Variants in AKAP6 observed in about 807,000 individuals in gnomAD.
AKAP6 encodes A-kinase anchoring protein 6, also known as A-kinase anchor protein 6.
In AKAP6, 58 loss-of-function variants were observed where a neutral mutation model predicts 188.5. The observed-to-expected ratio is 0.31, with a 90% CI of 0.25 to 0.38. The LOEUF (loss-of-function observed/expected upper bound fraction) is 0.38. AKAP6 is among the 10% of genes least tolerant of loss of function. AKAP6 has a pLI of 1.00. For missense variants in AKAP6, 2,710 were observed against 2,740.0 expected (o/e 0.99, Z 0.24); for synonymous variants, 989 against 998.6 (o/e 0.99, Z 0.18).
At chr14:32,336,015 T>C (rs890774840) in intron 1 of AKAP6, among the ~76,000 whole-genome samples, 1 of 152,076 alleles carries the variant, frequency 6.6e-6, no homozygotes, top group Non-Finnish European at 1.5e-5. Context: ...GCCATGCTAA[T>C]GTTCAGAAGT....
At position 32,540,640 on chromosome 14, in the gene AKAP6, A is replaced by G. The variant is rs540199487; in HGVS notation, c.577-4590A>G. 1.4e-4 allele frequency among the ~76,000 whole-genome samples: 21 copies of G among 152,240 alleles called. No homozygotes were observed. In the East Asian group the frequency reaches 4.1e-3, roughly 29 times the overall value. The stretch of plus-strand genomic sequence containing the variant: ...GTAAAACCAACAGGCAACACCCCTA[A>G]CTCCATATCTTCCTGAGACTTTATT... On this transcript the variant is annotated intron_variant, in intron 3 of 13. Coordinates refer to ENST00000280979, the MANE Select transcript of AKAP6 (RefSeq NM_004274.5).
At chr14:32,705,011 T>C (rs1387864353) in intron 9 of AKAP6, among the ~76,000 whole-genome samples, 4 of 152,194 alleles carry the variant, frequency 2.6e-5, no homozygotes, top group Non-Finnish European at 4.4e-5. Flanking sequence ...TCAGAATAGA[T>C]GGTAAGGCGC....
chr14:32,331,434 C>T (rs1285870202), intron 1 of AKAP6, among the ~76,000 whole-genome samples: 2 of 151,928 alleles, frequency 1.3e-5, no homozygotes, highest in African/African-American at 2.4e-5. Flanking sequence ...AACATCCTCC[C>T]GGTTCAGACA....
intron 1 of AKAP6, among the ~76,000 whole-genome samples, chr14:32,391,325 C>A (rs918383733): frequency 6.6e-6 from 1 of 152,154 alleles, no homozygotes; most frequent in Non-Finnish European, 1.5e-5. Context: ...ATGTCTTGGT[C>A]TTGAGTCTTC....
intron 7 of AKAP6, among the ~76,000 whole-genome samples, chr14:32,633,872 C>T (rs2139462593): frequency 6.6e-6 from 1 of 152,208 alleles, no homozygotes; most frequent in Non-Finnish European, 1.5e-5. Flanking sequence ...TGTCTCCCAT[C>T]TCTAAGTCTT....
At chr14:32,619,888 TC>T (rs1160281725) in intron 7 of AKAP6, among the ~76,000 whole-genome samples, 3 of 152,198 alleles carry the variant, frequency 2.0e-5, no homozygotes, top group Non-Finnish European at 2.9e-5. Context: ...ATTTTTCACC[TC>T]CTTGGTTAAG....
At chr14:32,476,245 C>T (rs1879060323) in intron 2 of AKAP6, among the ~76,000 whole-genome samples, 1 of 152,072 alleles carries the variant, frequency 6.6e-6, no homozygotes, top group African/African-American at 2.4e-5. Context: ...AAATTCTGAC[C>T]TCATGCTCTT....
chr14:32,757,470 C>T (rs1282529824), intron 11 of AKAP6, among the ~76,000 whole-genome samples: 5 of 152,190 alleles, frequency 3.3e-5, no homozygotes, highest in African/African-American at 1.2e-4. Context: ...GTTGGATCAG[C>T]CCAGGCTCCC....
intron 13 of AKAP6, among the ~76,000 whole-genome samples, 177 bp downstream of exon 13, chr14:32,824,992 A>T (rs550916830): frequency 1.3e-5 from 2 of 152,268 alleles, no homozygotes; most frequent in South Asian, 4.1e-4. Context: ...CAAAAGAAAA[A>T]AAAAACAGGG....
At chr14:32,589,531 C>A (rs1885393671) in intron 5 of AKAP6, among the ~76,000 whole-genome samples, 1 of 152,104 alleles carries the variant, frequency 6.6e-6, no homozygotes, top group Non-Finnish European at 1.5e-5. Context: ...TCATGTAACT[C>A]TAATTTTGTG....
chr14:32,684,887 A>G (rs935368342), intron 8 of AKAP6, among the ~76,000 whole-genome samples: 2 of 152,154 alleles, frequency 1.3e-5, no homozygotes, highest in Non-Finnish European at 2.9e-5. Flanking sequence ...CTAGCAATGA[A>G]AAAGATACGT....
At chr14:32,492,481 T>C (rs2138951517) in intron 2 of AKAP6, among the ~76,000 whole-genome samples, 1 of 152,034 alleles carries the variant, frequency 6.6e-6, no homozygotes, top group Non-Finnish European at 1.5e-5. Flanking sequence ...TTAAGTTCTC[T>C]TAGGAATATG....
At chr14:32,399,393 C>T (rs951028610) in intron 1 of AKAP6, among the ~76,000 whole-genome samples, 1 of 152,134 alleles carries the variant, frequency 6.6e-6, no homozygotes, top group Non-Finnish European at 1.5e-5. Context: ...AGAGGTTTCA[C>T]AAAGCTTTTT....
At chr14:32,445,514 A>T (rs1174304867) in intron 2 of AKAP6, among the ~76,000 whole-genome samples, 1 of 152,038 alleles carries the variant, frequency 6.6e-6, no homozygotes, top group Non-Finnish European at 1.5e-5. Context: ...CTGGGACTAC[A>T]GGCATGTGAC....
In AKAP6 at chr14:32,381,135, G is replaced by A. The variant is rs1395672277; in HGVS notation, c.-35+51727G>A. 3.9e-5 allele frequency among the ~76,000 whole-genome samples: 6 copies of A among 152,044 alleles called. No homozygotes were observed. In the South Asian group the frequency reaches 1.2e-3, roughly 32 times the overall value. On this transcript the variant is annotated intron_variant, in intron 1 of 13. Coordinates refer to ENST00000280979, the MANE Select transcript of AKAP6 (RefSeq NM_004274.5). ...GCAGATCACTTGAGGCCAAGAGTTCGAGACCAGCCTGGGCAACATGGTGAA... is the reference window on the plus strand; with the variant it reads ...GCAGATCACTTGAGGCCAAGAGTTCAAGACCAGCCTGGGCAACATGGTGAA...
At chr14:32,346,817 G>T (rs1352878261) in intron 1 of AKAP6, among the ~76,000 whole-genome samples, 2 of 152,204 alleles carry the variant, frequency 1.3e-5, no homozygotes, top group African/African-American at 4.8e-5. Flanking sequence ...CAGAAATTGA[G>T]AATTTCTTTA....
intron 2 of AKAP6, among the ~76,000 whole-genome samples, chr14:32,436,279 C>A (rs1444875703): frequency 6.6e-6 from 1 of 152,208 alleles, no homozygotes; most frequent in Non-Finnish European, 1.5e-5. Context: ...ATATGTTCAT[C>A]TCAGTGTTTT....
At chr14:32,502,187 AG>A (rs1261849672) in intron 2 of AKAP6, among the ~76,000 whole-genome samples, 8 of 152,308 alleles carry the variant, frequency 5.3e-5, no homozygotes, top group Admixed American at 4.6e-4. Context: ...GAATAGTAAC[AG>A]AAGTGCTCTT....
At chr14:32,627,759 G>A (rs578170521) in intron 7 of AKAP6, among the ~76,000 whole-genome samples, 1 of 152,154 alleles carries the variant, frequency 6.6e-6, no homozygotes, top group South Asian at 2.1e-4. Context: ...ACACTTCTAA[G>A]TTTAACACCA....
Sources: gnomAD v4.1 joint callset for allele counts (sites outside exome capture counted in the v4.1 genomes callset) on GRCh38, gnomAD v4.1.1 for gene constraint, MANE v1.5 for transcripts, NCBI Gene and HGNC (gene_info 2026-07-23, HGNC 2026-07-21) for gene names.